Variants in SCYL3 observed in about 807,000 individuals in gnomAD.
SCYL3 encodes SCY1 like pseudokinase 3, also known as protein-associating with the carboxyl-terminal domain of ezrin.
A neutral mutation model predicts 73.8 loss-of-function variants in SCYL3; 35 were observed. The ratio of observed to expected loss-of-function variants is 0.47; its 90% CI spans 0.36 to 0.63. SCYL3 has a LOEUF of 0.63. Ranked by LOEUF, SCYL3 falls within the 20% of genes least tolerant of loss-of-function variation. SCYL3 has a pLI of 0.00. For synonymous variants in SCYL3, 277 were observed against 295.2 expected, an observed-to-expected ratio of 0.94 and a Z score of 0.63; for missense variants, 712 against 798.9, an observed-to-expected ratio of 0.89 and a Z score of 1.31.
chr1:169,867,385 A>G (rs1660105968), intron 7 of SCYL3, among the ~76,000 whole-genome samples: 1 of 152,246 alleles, frequency 6.6e-6, no homozygotes, highest in Non-Finnish European at 1.5e-5. Flanking sequence ...TGGAATTTCC[A>G]TACAGCAATC....
At chr1:169,880,934 G>T (rs982419612) in intron 2 of SCYL3, among the ~76,000 whole-genome samples, 1 of 151,996 alleles carries the variant, frequency 6.6e-6, no homozygotes, top group Non-Finnish European at 1.5e-5. Flanking sequence ...GGTAATTTTT[G>T]TATTTTTAGT....
intron 2 of SCYL3, among the ~76,000 whole-genome samples, chr1:169,882,177 C>A (rs933128012): frequency 6.6e-6 from 1 of 152,184 alleles, no homozygotes; most frequent in African/African-American, 2.4e-5. Context: ...TCTGGGTGGG[C>A]GTGGGCTTGG....
intron 3 of SCYL3, among the ~76,000 whole-genome samples, chr1:169,876,638 G>A (rs1660835121): frequency 6.6e-6 from 1 of 152,120 alleles, no homozygotes. Context: ...AGAGGAAAAT[G>A]GAATGATAAG....
intron 11 of SCYL3, chr1:169,855,772 G>C (rs778795223): frequency 6.3e-7 from 1 of 1,599,692 alleles, no homozygotes; most frequent in Non-Finnish European, 8.5e-7. Context: ...CAATGGAAAA[G>C]CTATATAAAT....
At chr1:169,882,330 C>T (rs1350642225) in intron 2 of SCYL3, among the ~76,000 whole-genome samples, 1 of 152,230 alleles carries the variant, frequency 6.6e-6, no homozygotes, top group African/African-American at 2.4e-5. Flanking sequence ...TCTCGCCGGG[C>T]CTTAGCTGCC....
rs1658412464 is a variant in SCYL3, at chr1:169,851,998, C to T, written c.*1715G>A. On this transcript the variant is annotated 3_prime_UTR_variant, in exon 13 of 13. Coordinates refer to ENST00000367771, the MANE Select transcript of SCYL3 (RefSeq NM_020423.7). ...AGGCAAATTCTGCCCTTTTTACTTACTGACGAAACAAACCAGTGTGGTTTC... is the reference window on the plus strand; with the variant it reads ...AGGCAAATTCTGCCCTTTTTACTTATTGACGAAACAAACCAGTGTGGTTTC... 2 of 1,610,154 alleles carry T rather than the reference C, an allele frequency of 1.2e-6. No homozygotes were observed. The highest frequency in any genetic ancestry group is 1.7e-6 in the Non-Finnish European group (2 of 1,177,494).
At chr1:169,875,901 A>G (rs763628896) in intron 4 of SCYL3, 77 bp downstream of exon 4, 2 of 797,698 alleles carry the variant, frequency 2.5e-6, no homozygotes, top group African/African-American at 3.6e-5. Flanking sequence ...ACACTGAAGG[A>G]AAGTGCCTAG....
At position 169,874,968 on chromosome 1, in the gene SCYL3, A is replaced by G. The variant is rs540244771; in HGVS notation, c.465+1010T>C. On this transcript the variant is annotated intron_variant, in intron 4 of 12. Coordinates refer to ENST00000367771, the MANE Select transcript of SCYL3 (RefSeq NM_020423.7). ...AAACCTAAATGGTAAATGAGGCTGAAGGTAGGCTGCAGAAAGATTGTGAAG... is the reference window on the plus strand; with the variant it reads ...AAACCTAAATGGTAAATGAGGCTGAGGGTAGGCTGCAGAAAGATTGTGAAG... 5.3e-5 allele frequency among the ~76,000 whole-genome samples: 8 copies of G among 152,326 alleles called. No individual in the cohort carries two copies. In the South Asian group the frequency reaches 1.7e-3, roughly 32 times the overall value.
intron 2 of SCYL3, among the ~76,000 whole-genome samples, chr1:169,882,458 C>T (rs1558142214): frequency 6.6e-6 from 1 of 152,202 alleles, no homozygotes; most frequent in Non-Finnish European, 1.5e-5. Flanking sequence ...TCCACGGAGC[C>T]CAGTCCCATC....
At chr1:169,885,145 G>T (rs1269118152) in intron 2 of SCYL3, among the ~76,000 whole-genome samples, 1 of 152,166 alleles carries the variant, frequency 6.6e-6, no homozygotes, top group Non-Finnish European at 1.5e-5. Context: ...ACTGTCCTAG[G>T]TGATGGTCTC....
chr1:169,883,047 C>T (rs1661408763), intron 2 of SCYL3, among the ~76,000 whole-genome samples: 3 of 152,058 alleles, frequency 2.0e-5, no homozygotes, highest in African/African-American at 7.3e-5. Context: ...CCTTTATGAG[C>T]TGTAACACTC....
In SCYL3 at chr1:169,851,129, A is replaced by T. The variant is rs1178657649; in HGVS notation, c.*2584T>A. 1 of 143,540 alleles carries T rather than the reference A, an allele frequency of 7.0e-6. No individual in the cohort carries two copies. Among genetic ancestry groups the T allele is most frequent in the African/African-American group, 2.7e-5 (1 of 37,622 alleles). The allele number at this position is 143,540 out of a possible 1,614,324, so 8.9% of individuals were successfully genotyped here. On this transcript the variant is annotated 3_prime_UTR_variant, in exon 13 of 13. Coordinates refer to ENST00000367771, the MANE Select transcript of SCYL3 (RefSeq NM_020423.7). Reference sequence around the variant, plus strand: ...AGACCTGTTTTTACAATTAAAACCAAAATTTTGAATCACAAGGTTCCTATG... The same window carrying T: ...AGACCTGTTTTTACAATTAAAACCATAATTTTGAATCACAAGGTTCCTATG...
chr1:169,882,931 A>C lies in SCYL3; in HGVS notation c.166-4112T>G, dbSNP rs893413143. 2.6e-5 allele frequency among the ~76,000 whole-genome samples: 4 copies of C among 152,138 alleles called. No homozygotes were observed. The East Asian group carries it at 7.7e-4, about 29-fold the overall frequency. ...ATAAGAGAATAAAAGCAGGCTGCCCAGCCAGCAGTGGCAACCCTCTCAGGT... is the reference window on the plus strand; with the variant it reads ...ATAAGAGAATAAAAGCAGGCTGCCCCGCCAGCAGTGGCAACCCTCTCAGGT... On this transcript the variant is annotated intron_variant, in intron 2 of 12. Coordinates refer to ENST00000367771, the MANE Select transcript of SCYL3 (RefSeq NM_020423.7).
At chr1:169,869,223 T>C in intron 6 of SCYL3, 184 bp from the exon 7 acceptor site, 1 of 565,922 alleles carries the variant, frequency 1.8e-6, no homozygotes, top group Non-Finnish European at 3.2e-6. Context: ...AAAGTTGTCC[T>C]GCCACCACCA....
At chr1:169,876,772 G>A (rs923039881) in intron 3 of SCYL3, among the ~76,000 whole-genome samples, 9 of 151,824 alleles carry the variant, frequency 5.9e-5, no homozygotes, top group Non-Finnish European at 5.9e-5. Flanking sequence ...TGGTTAACAC[G>A]GTGAAACCGC....
In SCYL3 at chr1:169,849,730, A is replaced by G. The variant is rs116676218; in HGVS notation, c.*3983T>C. The G allele has an allele frequency of 7.2e-5, 50 of 695,830 alleles. No homozygotes were observed. The highest frequency in any genetic ancestry group is 1.1e-4 in the Non-Finnish European group (47 of 412,494). The allele number at this position is 695,830 out of a possible 1,614,324, so 43.1% of individuals were successfully genotyped here. On this transcript the variant is annotated 3_prime_UTR_variant, in exon 13 of 13. Coordinates refer to ENST00000367771, the MANE Select transcript of SCYL3 (RefSeq NM_020423.7). Reference sequence around the variant, plus strand: ...GCAATCGGAAAATTGTCTGAAGGGTACATTACTCGTTATCTCTTTTACAGC... The same window carrying G: ...GCAATCGGAAAATTGTCTGAAGGGTGCATTACTCGTTATCTCTTTTACAGC...
chr1:169,862,150 T>C (rs1445953154), intron 10 of SCYL3, among the ~76,000 whole-genome samples: 1 of 152,240 alleles, frequency 6.6e-6, no homozygotes, highest in African/African-American at 2.4e-5. Flanking sequence ...TAATTTGTTA[T>C]GGCAGCCTAA....
At chr1:169,877,883 G>C (rs1660964080) in intron 3 of SCYL3, among the ~76,000 whole-genome samples, 1 of 152,140 alleles carries the variant, frequency 6.6e-6, no homozygotes, top group Non-Finnish European at 1.5e-5. Flanking sequence ...GATATTTGGA[G>C]AATCTGTCTC....
Position 169,851,045 on chromosome 1 carries a change from CTTTTTTTTTTTTTTT to C in SCYL3, c.*2653_*2667del, listed in dbSNP as rs58984684. 1 of 17,312 alleles carries C rather than the reference CTTTTTTTTTTTTTTT, an allele frequency of 5.8e-5. No individual in the cohort carries two copies. The highest frequency in any genetic ancestry group is 1.0e-4 in the Non-Finnish European group (1 of 9,630). The allele number at this position is 17,312 out of a possible 1,614,324, so 1.1% of individuals were successfully genotyped here. On this transcript the variant is annotated 3_prime_UTR_variant, in exon 13 of 13. Coordinates refer to ENST00000367771, the MANE Select transcript of SCYL3 (RefSeq NM_020423.7). ...CCCAAGCCAGGGTAAGCTCAGGGCC[CTTTTTTTTTTTTTTT>C]TTTTTTTTTTTTTGGCATGGCTTTT...
Sources: allele counts gnomAD v4.1 joint callset (sites outside exome capture counted in the v4.1 genomes callset), GRCh38; gene constraint gnomAD v4.1.1; transcripts MANE v1.5; gene names NCBI Gene and HGNC (gene_info 2026-07-23, HGNC 2026-07-21).